Variants in SMG1 observed in about 807,000 individuals in gnomAD.
SMG1 encodes the protein serine/threonine-protein kinase SMG1.
Under a neutral mutation model 419.9 loss-of-function variants are expected in SMG1, and 22 were observed. That is an observed-to-expected ratio of 0.05 (90% CI 0.04 to 0.07). The LOEUF (loss-of-function observed/expected upper bound fraction) is 0.07, where lower values mean the gene tolerates loss of function less well. Ranked by LOEUF, SMG1 falls within the 10% of genes least tolerant of loss-of-function variation. The probability of loss-of-function intolerance (pLI) is 1.00; values close to 1 mark genes in which losing one functional copy is unlikely to be tolerated. For missense variants in SMG1, 3,185 were observed against 4,342.0 expected, an observed-to-expected ratio of 0.73 and a Z score of 7.49; for synonymous variants, 1,538 against 1,553.5, an observed-to-expected ratio of 0.99 and a Z score of 0.23.
intron 29 of SMG1, chr16:18,856,236 C>T (rs1290474036): frequency 3.3e-5 from 5 of 152,164 alleles, no homozygotes; most frequent in South Asian, 4.2e-4. Context: ...GATCATAGCT[C>T]GCTGCAGCCT....
chr16:18,851,405 A>ACG (rs1440894696), intron 33 of SMG1, among the ~76,000 whole-genome samples: 15 of 146,186 alleles, frequency 1.0e-4, no homozygotes, highest in African/African-American at 3.3e-4. Flanking sequence ...ACACACACAC[A>ACG]CACGCGCACG....
At position 18,853,838 on chromosome 16, in the gene SMG1, T is replaced by C; in HGVS notation, c.4513A>G (p.Ser1505Gly). Residue 1505 changes from serine (S) to glycine (G), a missense_variant, in exon 31 of 63, where the codon AGT becomes GGT. Ser to Gly is a moderately conservative substitution (Grantham distance 56, BLOSUM62 0). Coordinates refer to ENST00000446231, the MANE Select transcript of SMG1 (RefSeq NM_015092.5). ...GQSTHAMEML[S>G]SCAISFCKSV... ...TTGCAGAAAGATATGGCACAAGAAC[T>C]CAACATTTCCATTGCATGTGTTGAC... is the stretch of plus-strand genomic sequence containing the variant. The C allele has an allele frequency of 6.2e-7, 1 of 1,612,678 alleles. No homozygotes were observed. The highest frequency in any genetic ancestry group is 1.1e-5 in the South Asian group (1 of 90,826).
chr16:18,899,238 G>A (rs1229662648), intron 1 of SMG1, among the ~76,000 whole-genome samples: 1 of 151,994 alleles, frequency 6.6e-6, no homozygotes, highest in Non-Finnish European at 1.5e-5. Context: ...TTCCAACTAC[G>A]AAGCATCTGA....
In SMG1 at chr16:18,816,422, C is replaced by T. The variant is rs752866939; in HGVS notation, c.10182G>A (p.Glu3394=). Reference sequence around the variant, plus strand: ...TTTCACAGACCGTTTCTATCTGCTGCTCTTTCTCTGTCTGAATTGCCCTCT... The same window carrying T: ...TTTCACAGACCGTTTCTATCTGCTGTTCTTTCTCTGTCTGAATTGCCCTCT... The part of the protein sequence containing the change: ...STQRAIQTEK[E]QQIETVCETI... Residue 3394 remains glutamate, a synonymous_variant, in exon 58 of 63, where the codon GAG becomes GAA. Transcript: ENST00000446231. 3 of 1,613,818 alleles carry T rather than the reference C, an allele frequency of 1.9e-6. No homozygotes were observed. The highest frequency in any genetic ancestry group is 1.7e-6 in the Non-Finnish European group (2 of 1,179,862).
intron 35 of SMG1, 115 bp downstream of exon 35, chr16:18,849,834 A>G (rs1014937573): frequency 1.0e-6 from 1 of 999,868 alleles, no homozygotes; most frequent in Non-Finnish European, 1.5e-6. Context: ...CTAGGAAGTT[A>G]ATCTGGCTAT....
At position 18,847,576 on chromosome 16, in the gene SMG1, A is replaced by G; in HGVS notation, c.5873T>C (p.Val1958Ala). 1 of 1,613,978 alleles carries G rather than the reference A, an allele frequency of 6.2e-7. No homozygotes were observed. The highest frequency in any genetic ancestry group is 1.1e-5 in the South Asian group (1 of 91,088). Residue 1958 changes from valine to alanine, a missense_variant, in exon 38 of 63, where the codon GTC (valine) becomes GCC (alanine). By Grantham distance (64) the Val-to-Ala change is moderately conservative. Transcript: ENST00000446231. ...VQMLVAELRRVTVLWDELWLG... is the reference protein window; with the variant it reads ...VQMLVAELRRATVLWDELWLG... The stretch of plus-strand genomic sequence containing the variant: ...CCAGAGCTCATCCCAGAGCACAGTG[A>G]CCCTGCGCAGTTCAGCCACGAGCAT...
Position 18,854,772 on chromosome 16 carries a change from G to A in SMG1, c.4367C>T (p.Thr1456Ile). The change falls in exon 30 of 63, where the codon ACC (threonine) becomes ATC (isoleucine). Residue 1456 changes from threonine (T) to isoleucine (I), a missense_variant. Around this residue, in one of 27 missense-constraint regions of SMG1, gnomAD observed 493 missense variants for 552.9 expected, o/e 0.89. Coordinates refer to ENST00000446231, the MANE Select transcript of SMG1 (RefSeq NM_015092.5). Reference protein sequence around the residue: ...AQCSEVQLGKTTTAQDLVQHF... With the variant: ...AQCSEVQLGKITTAQDLVQHF... ...TTGGACTAAATCCTGTGCAGTGGTG[G>A]TCTTTCCCAGCTGAACTTCACTGCA... 1 of 1,614,030 alleles carries A rather than the reference G, an allele frequency of 6.2e-7. No individual in the cohort carries two copies. Among genetic ancestry groups the A allele is most frequent in the Non-Finnish European group, 8.5e-7 (1 of 1,179,890 alleles).
intron 29 of SMG1, among the ~76,000 whole-genome samples, chr16:18,856,029 G>A (rs2034880630): frequency 6.9e-6 from 1 of 145,962 alleles, no homozygotes; most frequent in African/African-American, 2.6e-5. Flanking sequence ...ATTTTCTCTG[G>A]CCTGCACACG....
At chr16:18,871,548 C>A in intron 15 of SMG1, 66 bp from the exon 16 acceptor site, 1 of 707,158 alleles carries the variant, frequency 1.4e-6, no homozygotes, top group Non-Finnish European at 2.3e-6. Flanking sequence ...CATTAAAAGC[C>A]TAGTCTTCTT....
chr16:18,859,402 G>C, intron 27 of SMG1, 154 bp downstream of exon 27: 1 of 701,058 alleles, frequency 1.4e-6, no homozygotes, highest in South Asian at 1.9e-5. Context: ...TTGGCAAGCA[G>C]CATTCATATA....
intron 1 of SMG1, among the ~76,000 whole-genome samples, chr16:18,899,035 G>A (rs2037244161): frequency 1.3e-5 from 2 of 152,124 alleles, no homozygotes; most frequent in Non-Finnish European, 2.9e-5. Flanking sequence ...ATAAAGAAAC[G>A]CTTAGTTTGC....
chr16:18,810,565 A>C (rs144798285), intron 62 of SMG1, among the ~76,000 whole-genome samples: 94 of 152,302 alleles, frequency 6.2e-4, no homozygotes, highest in African/African-American at 2.2e-3. Context: ...TTATGGATTT[A>C]TTGGGATGTC....
chr16:18,872,168 A>G lies in SMG1; in HGVS notation c.2183+16T>C. 1 of 1,364,722 alleles carries G rather than the reference A, an allele frequency of 7.3e-7. No individual in the cohort carries two copies. Among genetic ancestry groups the G allele is most frequent in the Non-Finnish European group, 1.0e-6 (1 of 983,026 alleles). 84.5% of individuals were successfully genotyped at this position (1,364,722 alleles called of 1,614,324 possible). A position where few individuals can be genotyped will look rare whatever the true frequency, so the allele number is the denominator to read the frequency against. The stretch of plus-strand genomic sequence containing the variant: ...AACAAAGTTAGGAATAGTTAATACT[A>G]TATAATATCTGTTACCTCGTGTCCT... On this transcript the variant is annotated intron_variant, in intron 15 of 62. Transcript: ENST00000446231.
chr16:18,881,749 A>C (rs1177980257), intron 10 of SMG1, among the ~76,000 whole-genome samples: 3 of 152,206 alleles, frequency 2.0e-5, no homozygotes, highest in Non-Finnish European at 4.4e-5. Context: ...AAGAATATAA[A>C]GGTATACAAG....
chr16:18,910,042 G>C (rs1310170671), intron 1 of SMG1, among the ~76,000 whole-genome samples: 1 of 150,496 alleles, frequency 6.6e-6, no homozygotes, highest in Non-Finnish European at 1.5e-5. Flanking sequence ...AGTTCCTTAA[G>C]AGACAGCAAT....
chr16:18,917,162 T>C (rs12920017), intron 1 of SMG1, among the ~76,000 whole-genome samples: 2 of 151,710 alleles, frequency 1.3e-5, no homozygotes, highest in African/African-American at 4.8e-5. Flanking sequence ...TTTATTTATT[T>C]ATTTTTTGAG....
At chr16:18,875,213 G>A (rs1402466190) in intron 13 of SMG1, 1 of 152,516 alleles carries the variant, frequency 6.6e-6, no homozygotes. Context: ...CATCATACTG[G>A]TGCTCAAAAA....
In SMG1 at chr16:18,853,588, G is replaced by C. The variant is rs758280918; in HGVS notation, c.4763C>G (p.Ser1588Cys). 1 of 1,588,906 alleles carries C rather than the reference G, an allele frequency of 6.3e-7. No individual in the cohort carries two copies. The highest frequency in any genetic ancestry group is 1.1e-5 in the South Asian group (1 of 87,450). Residue 1588 changes from serine (S) to cysteine (C), a missense_variant, in exon 31 of 63, where the codon TCT (serine) becomes TGT (cysteine). This residue lies in a region of SMG1 where 493 missense variants were observed against 552.9 expected (regional missense o/e 0.89). Coordinates refer to ENST00000446231, the MANE Select transcript of SMG1 (RefSeq NM_015092.5). ...AGCTAATAAAGCAACTCTACCTGTA[G>C]ATTCACTCTCGATCCGAGGATACTC... The part of the protein sequence containing the change: ...EEEYPRIESE[S>C]TVHIGVGEPD...
At chr16:18,904,841 A>T (rs1447862527) in intron 1 of SMG1, among the ~76,000 whole-genome samples, 1 of 152,080 alleles carries the variant, frequency 6.6e-6, no homozygotes, top group African/African-American at 2.4e-5. Context: ...AGGCTGGGGC[A>T]GGAGAATCGC....
Sources: gnomAD v4.1 joint callset for allele counts (sites outside exome capture counted in the v4.1 genomes callset) on GRCh38, gnomAD v4.1.1 for gene constraint, gnomAD v4.1.1 regional missense constraint, MANE v1.5 for transcripts, NCBI Gene and HGNC (gene_info 2026-07-23, HGNC 2026-07-21) for gene names.